The following ILRUN variants were observed in gnomAD, a reference collection of about 807,000 sequenced individuals.
ILRUN encodes protein ILRUN.
ILRUN carries 3 observed loss-of-function variants against 33.8 expected under a neutral mutation model. The ratio of observed to expected loss-of-function variants is 0.09; its 90% CI spans 0.04 to 0.23. The LOEUF (loss-of-function observed/expected upper bound fraction) is 0.23. Among genes scored for constraint, ILRUN ranks in the 10% least tolerant of loss-of-function variants. The probability of loss-of-function intolerance (pLI) is 1.00; values close to 1 mark genes in which losing one functional copy is unlikely to be tolerated. For missense variants in ILRUN, 210 were observed against 375.1 expected, an observed-to-expected ratio of 0.56 and a Z score of 3.64; for synonymous variants, 124 against 138.9, an observed-to-expected ratio of 0.89 and a Z score of 0.75.
At chr6:34,614,431 TA>T (rs869049658) in intron 3 of ILRUN, among the ~76,000 whole-genome samples, 96 of 113,908 alleles carry the variant, frequency 8.4e-4, no homozygotes, top group East Asian at 1.5e-3. Flanking sequence ...CAAAAAATAA[TA>T]AAAAAAAAAA....
chr6:34,658,329 C>T (rs1762816962), intron 1 of ILRUN, among the ~76,000 whole-genome samples: 1 of 137,238 alleles, frequency 7.3e-6, no homozygotes, highest in Non-Finnish European at 1.5e-5. Flanking sequence ...ACCTAGGCAA[C>T]AAAGTGAGAC....
At chr6:34,604,130 T>C (rs2127318471) in intron 4 of ILRUN, among the ~76,000 whole-genome samples, 1 of 152,346 alleles carries the variant, frequency 6.6e-6, no homozygotes, top group East Asian at 1.9e-4. Flanking sequence ...TTGCAAATGC[T>C]ACTTCTAAAT....
chr6:34,607,395 G>T (rs934720825), intron 3 of ILRUN, among the ~76,000 whole-genome samples: 29 of 152,180 alleles, frequency 1.9e-4, no homozygotes, highest in African/African-American at 6.8e-4. Flanking sequence ...GAGTGAAAGA[G>T]GGACCTATTA....
intron 1 of ILRUN, among the ~76,000 whole-genome samples, chr6:34,675,035 C>G (rs1435427022): frequency 6.6e-6 from 1 of 152,200 alleles, no homozygotes; most frequent in Non-Finnish European, 1.5e-5. Flanking sequence ...AATCCCAGCA[C>G]TTTCGGAGGC....
intron 1 of ILRUN, among the ~76,000 whole-genome samples, chr6:34,680,288 C>A (rs950134735): frequency 6.6e-6 from 1 of 151,978 alleles, no homozygotes; most frequent in African/African-American, 2.4e-5. Context: ...AGTAAATGCC[C>A]CACTTTTATA....
chr6:34,597,355 G>A (rs1301420615), intron 4 of ILRUN, among the ~76,000 whole-genome samples: 1 of 152,196 alleles, frequency 6.6e-6, no homozygotes, highest in Non-Finnish European at 1.5e-5. Flanking sequence ...ATCTCCTAGG[G>A]TAGAGGAGAT....
At chr6:34,649,938 A>T (rs1215261154) in intron 2 of ILRUN, among the ~76,000 whole-genome samples, 1 of 150,958 alleles carries the variant, frequency 6.6e-6, no homozygotes, top group Non-Finnish European at 1.5e-5. Flanking sequence ...TAGAAGAAAA[A>T]TGGGGGAAAT....
At chr6:34,591,420 G>A (rs539500341) in intron 4 of ILRUN, among the ~76,000 whole-genome samples, 2 of 152,210 alleles carry the variant, frequency 1.3e-5, no homozygotes, top group African/African-American at 4.8e-5. Context: ...ACTTGAACCT[G>A]GAAGGTCGAA....
rs1762562094 is a variant in ILRUN at position 34,646,266 on chromosome 6, C to G, written c.511+335G>C. 6.6e-6 allele frequency among the ~76,000 whole-genome samples: 1 copy of G among 152,172 alleles called. No individual in the cohort carries two copies. Among genetic ancestry groups the G allele is most frequent in the Admixed American group, 6.5e-5 (1 of 15,276 alleles). On this transcript the variant is annotated intron_variant, in intron 3 of 4. Coordinates refer to ENST00000374023, the MANE Select transcript of ILRUN (RefSeq NM_024294.4). This position sits in a 1 kb window ranked among gnomAD's most constrained non-coding sequence, Gnocchi z 4.9. ...TTTGTGCATTATCTGTTTTATATGA[C>G]TTGTGTCTAGAGACTTTGAGAACAA...
chr6:34,640,182 T>C (rs1762441110), intron 3 of ILRUN, among the ~76,000 whole-genome samples: 1 of 151,978 alleles, frequency 6.6e-6, no homozygotes, highest in African/African-American at 2.4e-5. Flanking sequence ...GATAAACAGG[T>C]GAAGCCACGG....
chr6:34,603,837 T>C (rs899697050), intron 4 of ILRUN, among the ~76,000 whole-genome samples: 7 of 152,220 alleles, frequency 4.6e-5, no homozygotes, highest in African/African-American at 7.2e-5. Context: ...TAATGTACGA[T>C]GTACACTGCT....
chr6:34,601,452 G>A (rs1441711461), intron 4 of ILRUN, among the ~76,000 whole-genome samples: 1 of 147,148 alleles, frequency 6.8e-6, no homozygotes, highest in Non-Finnish European at 1.5e-5. Context: ...TCATGGCAGT[G>A]GGAAGGTTAC....
At chr6:34,668,240 T>C (rs577786295) in intron 1 of ILRUN, among the ~76,000 whole-genome samples, 4 of 152,340 alleles carry the variant, frequency 2.6e-5, no homozygotes, top group Non-Finnish European at 5.9e-5. Context: ...AACCTTACCA[T>C]ACAAATTAAC....
At chr6:34,625,337 G>A (rs1220981918) in intron 3 of ILRUN, among the ~76,000 whole-genome samples, 3 of 152,076 alleles carry the variant, frequency 2.0e-5, no homozygotes, top group Non-Finnish European at 4.4e-5. Context: ...GAGCTCTGGG[G>A]GCATTAATTC....
At chr6:34,666,843 T>C (rs1763017059) in intron 1 of ILRUN, among the ~76,000 whole-genome samples, 1 of 152,218 alleles carries the variant, frequency 6.6e-6, no homozygotes, top group South Asian at 2.1e-4. Flanking sequence ...GTTAATGTTT[T>C]CATGTTCTGG....
At chr6:34,623,111 G>A (rs1390789822) in intron 3 of ILRUN, among the ~76,000 whole-genome samples, 1 of 152,188 alleles carries the variant, frequency 6.6e-6, no homozygotes, top group Non-Finnish European at 1.5e-5. Context: ...AATTATTAAT[G>A]GGTACAGAGT....
rs1038611967 is a variant in ILRUN, at chr6:34,646,460, A to T, written c.511+141T>A. The T allele has an allele frequency of 1.4e-6, 1 of 699,828 alleles. No individual in the cohort carries two copies. Among genetic ancestry groups the T allele is most frequent in the Non-Finnish European group, 2.4e-6 (1 of 423,530 alleles). 43.4% of individuals were successfully genotyped at this position (699,828 alleles called of 1,614,324 possible). ...ACTAATCAATTAGTCATAAAATGCA[A>T]ATCATTTACCTGCATGAGGTGACTG... On this transcript the variant is annotated intron_variant, in intron 3 of 4. Transcript: ENST00000374023. This position sits in a 1 kb window ranked among gnomAD's most constrained non-coding sequence, Gnocchi z 4.9.
intron 4 of ILRUN, among the ~76,000 whole-genome samples, chr6:34,601,994 T>A (rs750685652): frequency 9.2e-5 from 14 of 152,038 alleles, no homozygotes; most frequent in Non-Finnish European, 1.9e-4. Flanking sequence ...GGGATGAACC[T>A]CCCCACAAAG....
chr6:34,643,997 C>T (rs910967428), intron 3 of ILRUN, among the ~76,000 whole-genome samples: 10 of 152,122 alleles, frequency 6.6e-5, no homozygotes, highest in African/African-American at 2.4e-4. Flanking sequence ...CCACTGCACC[C>T]GGCCTTTACT....
Sources: gnomAD v4.1 joint callset for allele counts (sites outside exome capture counted in the v4.1 genomes callset) on GRCh38, gnomAD v4.1.1 for gene constraint, Gnocchi (gnomAD v3.1) non-coding constraint, MANE v1.5 for transcripts, NCBI Gene and HGNC (gene_info 2026-07-23, HGNC 2026-07-21) for gene names.